The following ADGRB3 variants were observed in gnomAD, a reference collection of about 807,000 sequenced individuals.
ADGRB3 encodes the protein brain-specific angiogenesis inhibitor 3.
Under a neutral mutation model 193.4 loss-of-function variants are expected in ADGRB3, and 37 were observed. That is an observed-to-expected ratio of 0.19 (90% CI 0.15 to 0.25). ADGRB3 has a LOEUF of 0.25. Among genes scored for constraint, ADGRB3 ranks in the 10% least tolerant of loss-of-function variants. The pLI is 1.00. For synonymous variants in ADGRB3, 690 were observed against 644.2 expected (o/e 1.07, Z -1.08); for missense variants, 1,637 against 1,852.9 (o/e 0.88, Z 2.14).
intron 8 of ADGRB3, among the ~76,000 whole-genome samples, chr6:68,971,578 T>A (rs900548887): frequency 6.6e-6 from 1 of 151,848 alleles, no homozygotes; most frequent in Non-Finnish European, 1.5e-5. Context: ...TACTATACCA[T>A]TTTATATCAG....
intron 18 of ADGRB3, 22 bp from the exon 19 acceptor site, chr6:69,235,010 T>G (rs948449041): frequency 1.7e-5 from 27 of 1,564,020 alleles, no homozygotes; most frequent in Non-Finnish European, 2.4e-5. Context: ...TTTGTTTCTT[T>G]TTTGTTTTGT....
chr6:69,187,070 CCT>C (rs1215178469), intron 17 of ADGRB3, among the ~76,000 whole-genome samples: 3 of 151,508 alleles, frequency 2.0e-5, no homozygotes, highest in Admixed American at 2.0e-4. Flanking sequence ...TCTGATTTCC[CCT>C]CTTTTTTTCT....
chr6:69,246,311 T>G (rs1195656662), intron 20 of ADGRB3, among the ~76,000 whole-genome samples: 1 of 152,210 alleles, frequency 6.6e-6, no homozygotes, highest in Admixed American at 6.6e-5. Context: ...TTAGATTCAT[T>G]AAAATCTAAT....
At chr6:68,727,088 C>G (rs1195124655) in intron 3 of ADGRB3, among the ~76,000 whole-genome samples, 1 of 151,564 alleles carries the variant, frequency 6.6e-6, no homozygotes, top group African/African-American at 2.4e-5. Flanking sequence ...CCCCTGTAAG[C>G]ATTTGGGTTT....
At chr6:69,043,520 T>C (rs1409448305) in intron 13 of ADGRB3, among the ~76,000 whole-genome samples, 1 of 152,192 alleles carries the variant, frequency 6.6e-6, no homozygotes, top group Non-Finnish European at 1.5e-5. Flanking sequence ...CAAAAAATAA[T>C]GTATGCTACA....
intron 3 of ADGRB3, among the ~76,000 whole-genome samples, chr6:68,779,054 C>T (rs1403259690): frequency 6.6e-6 from 1 of 151,948 alleles, no homozygotes; most frequent in Admixed American, 6.6e-5. Context: ...AAGAAGAGAT[C>T]ACCCACTTTA....
chr6:69,121,193 G>A (rs143927751), intron 17 of ADGRB3, among the ~76,000 whole-genome samples: 13,121 of 151,800 alleles, frequency 0.086, 725 homozygotes, highest in Non-Finnish European at 0.12. Flanking sequence ...TTGAGATTAG[G>A]GAGTGGTGAT....
At chr6:68,737,894 G>A (rs1765902824) in intron 3 of ADGRB3, among the ~76,000 whole-genome samples, 1 of 152,158 alleles carries the variant, frequency 6.6e-6, no homozygotes, top group Non-Finnish European at 1.5e-5. Flanking sequence ...TGAGAGTTCA[G>A]GGTTTAGTGG....
At chr6:69,174,699 A>T (rs1328459455) in intron 17 of ADGRB3, among the ~76,000 whole-genome samples, 1 of 152,188 alleles carries the variant, frequency 6.6e-6, no homozygotes, top group East Asian at 1.9e-4. Context: ...TAGCTGAACT[A>T]ATTTACCTAA....
chr6:69,016,871 A>T (rs1464840809), intron 12 of ADGRB3, among the ~76,000 whole-genome samples: 1 of 151,920 alleles, frequency 6.6e-6, no homozygotes, highest in Admixed American at 6.6e-5. Context: ...ACACAAAAAA[A>T]TAAGCCTCTT....
rs1034985110 is a variant in ADGRB3 at position 68,752,394 on chromosome 6, G to A, written c.757+112962G>A. The stretch of plus-strand genomic sequence containing the variant: ...CGGGTTCCAGCGATTCTTCTGCCTC[G>A]GCCTCCTGAGTATCTGAGATTACAG... On this transcript the variant is annotated intron_variant, in intron 3 of 31. Transcript: ENST00000370598. Among the ~76,000 whole-genome samples the A allele has an allele frequency of 2.7e-5, 4 of 150,334 alleles. No individual in the cohort carries two copies. The Admixed American group carries it at 2.7e-4, about 10-fold the overall frequency.
intron 17 of ADGRB3, among the ~76,000 whole-genome samples, chr6:69,212,825 T>G (rs1765695873): frequency 1.3e-5 from 2 of 152,210 alleles, no homozygotes; most frequent in African/African-American, 4.8e-5. Context: ...TCTTGTTTAT[T>G]GTAGAACTTT....
At chr6:69,150,454 T>G (rs1190821920) in intron 17 of ADGRB3, among the ~76,000 whole-genome samples, 1 of 152,146 alleles carries the variant, frequency 6.6e-6, no homozygotes, top group Non-Finnish European at 1.5e-5. Flanking sequence ...CAAGGGCTCT[T>G]CAGTCAGCTT....
At chr6:68,981,876 A>G (rs1398296261) in intron 10 of ADGRB3, among the ~76,000 whole-genome samples, 2 of 139,578 alleles carry the variant, frequency 1.4e-5, no homozygotes, top group Non-Finnish European at 3.2e-5. Context: ...TTATTTATTT[A>G]TTTATTTATT....
chr6:68,718,614 C>G (rs78529071), intron 3 of ADGRB3, among the ~76,000 whole-genome samples: 2,868 of 151,778 alleles, frequency 0.019, 42 homozygotes, highest in Non-Finnish European at 0.029. Flanking sequence ...TTCTCAAGAC[C>G]CATTTTATGT....
chr6:68,967,930 C>G (rs1440915267), intron 8 of ADGRB3, among the ~76,000 whole-genome samples: 1 of 151,874 alleles, frequency 6.6e-6, no homozygotes, highest in African/African-American at 2.4e-5. Context: ...GCAGAAAGAA[C>G]CTGCACACAA....
chr6:68,772,878 C>CA (rs1178852808), intron 3 of ADGRB3, among the ~76,000 whole-genome samples: 36 of 15,676 alleles, frequency 2.3e-3, no homozygotes, highest in Middle Eastern at 0.083. Flanking sequence ...AACAAACAAA[C>CA]AAACAAAAAA....
chr6:68,652,726 A>G (rs904764726), intron 3 of ADGRB3, among the ~76,000 whole-genome samples: 5 of 152,016 alleles, frequency 3.3e-5, no homozygotes, highest in African/African-American at 1.2e-4. Flanking sequence ...CCTCTCCTTT[A>G]TTGTTTTGAT....
At chr6:69,203,568 C>A (rs1338383212) in intron 17 of ADGRB3, among the ~76,000 whole-genome samples, 2 of 152,060 alleles carry the variant, frequency 1.3e-5, no homozygotes, top group African/African-American at 4.8e-5. Flanking sequence ...ATTGCACCAT[C>A]ATCCACAAGA....
Sources: gnomAD v4.1 joint callset for allele counts (sites outside exome capture counted in the v4.1 genomes callset) on GRCh38, gnomAD v4.1.1 for gene constraint, MANE v1.5 for transcripts, NCBI Gene and HGNC (gene_info 2026-07-23, HGNC 2026-07-21) for gene names.